Variants in TPTE2 observed in about 807,000 individuals in gnomAD.
The protein encoded by TPTE2 is phosphatidylinositol 3,4,5-trisphosphate 3-phosphatase TPTE2.
Under a neutral mutation model 78.6 loss-of-function variants are expected in TPTE2, and 53 were observed. The observed-to-expected ratio is 0.67, with a 90% CI of 0.54 to 0.85. TPTE2 has a LOEUF of 0.85. Ranked by LOEUF, TPTE2 falls within the 40% of genes least tolerant of loss-of-function variation. The probability of loss-of-function intolerance (pLI) is 0.00; values close to 1 mark genes in which losing one functional copy is unlikely to be tolerated. For synonymous variants in TPTE2, 175 were observed against 206.2 expected (o/e 0.85, Z 1.30); for missense variants, 461 against 623.0 (o/e 0.74, Z 2.77).
intron 1 of TPTE2, among the ~76,000 whole-genome samples, chr13:19,528,052 G>A (rs1020259187): frequency 6.6e-6 from 1 of 152,198 alleles, no homozygotes; most frequent in African/African-American, 2.4e-5. Flanking sequence ...ACTGCAGTAA[G>A]TCACAGGCCA....
intron 1 of TPTE2, among the ~76,000 whole-genome samples, chr13:19,498,394 G>A (rs898453076): frequency 2.0e-5 from 3 of 152,006 alleles, no homozygotes; most frequent in Non-Finnish European, 2.9e-5. Context: ...AGGGCAGCCA[G>A]AAAGAAAGGT....
chr13:19,426,086 A>G (rs965446196), intron 18 of TPTE2, among the ~76,000 whole-genome samples: 6 of 150,496 alleles, frequency 4.0e-5, no homozygotes, highest in African/African-American at 1.5e-4. Context: ...AAAAAGATGC[A>G]AAACAAAATG....
At position 19,491,860 on chromosome 13, in the gene TPTE2, G is replaced by T. The variant is rs1447038830; in HGVS notation, c.119+990C>A. 3.3e-5 allele frequency among the ~76,000 whole-genome samples: 5 copies of T among 152,118 alleles called. No homozygotes were observed. In the East Asian group the frequency reaches 9.7e-4, roughly 29 times the overall value. ...TAATAATAGAAATACATTTTAATTT[G>T]CCCATGCGTCCAACGTCCTATAAAA... On this transcript the variant is annotated intron_variant, in intron 3 of 19. Transcript: ENST00000400230.
chr13:19,494,169 C>T (rs1386778147), intron 1 of TPTE2, among the ~76,000 whole-genome samples: 1 of 152,186 alleles, frequency 6.6e-6, no homozygotes, highest in Admixed American at 6.5e-5. Flanking sequence ...AAGCATTTGC[C>T]TGCTACTTAC....
upstream of TPTE2, among the ~76,000 whole-genome samples, chr13:19,539,487 C>T (rs1871377522): frequency 6.6e-6 from 1 of 152,156 alleles, no homozygotes; most frequent in Non-Finnish European, 1.5e-5. Context: ...ATTGTGAGGC[C>T]TCCCCAGCCA....
At position 19,497,994 on chromosome 13, in the gene TPTE2, G is replaced by A. The variant is rs1219441585; in HGVS notation, c.12-4493C>T. On this transcript the variant is annotated intron_variant, in intron 1 of 19. Transcript: ENST00000400230. ...CTGAAAACCAAGGCTCGAGAACTAC[G>A]TGAAGAATGCAGAAGCCTCAGGAGC... Among the ~76,000 whole-genome samples the A allele has an allele frequency of 1.5e-4, 22 of 151,038 alleles. No homozygotes were observed. In the East Asian group the frequency reaches 4.1e-3, roughly 28 times the overall value.
exon 20 of TPTE2, chr13:19,423,030 T>G (rs1310413583): frequency 6.2e-7 from 1 of 1,609,462 alleles, no homozygotes. Context: ...GGAGCTATAC[T>G]TAGTCGGATC....
At chr13:19,514,638 T>A (rs1463286380) in intron 1 of TPTE2, among the ~76,000 whole-genome samples, 6 of 149,258 alleles carry the variant, frequency 4.0e-5, no homozygotes, top group African/African-American at 7.4e-5. Context: ...TGTCTGTGTG[T>A]GAGAGAGAGA....
rs1360306079 is a variant in TPTE2 at position 19,498,604 on chromosome 13, A to AT, written c.11+4619dup. ...TTTACAGACAAGCAAATGCTGAGAG[A>AT]TTTTGTCACCACCAGGCTTACCCTA... On this transcript the variant is annotated intron_variant, in intron 1 of 19. Transcript: ENST00000400230. Among the ~76,000 whole-genome samples, 13 of 152,128 alleles carry AT rather than the reference A, an allele frequency of 8.5e-5. No homozygotes were observed. In the East Asian group the frequency reaches 2.3e-3, roughly 27 times the overall value.
chr13:19,430,646 C>T (rs1185128630), intron 16 of TPTE2, 99 bp from the exon 20 acceptor site: 24 of 791,468 alleles, frequency 3.0e-5, no homozygotes, highest in Non-Finnish European at 4.5e-5. Flanking sequence ...AAAAAATTAT[C>T]CAAGCTAACA....
At chr13:19,550,765 C>T in the TPTE2 span, among the ~76,000 whole-genome samples, 1 of 152,058 alleles carries the variant, frequency 6.6e-6, no homozygotes, top group African/African-American at 2.4e-5. Context: ...TACCTCAATA[C>T]TGTTCTTTTT....
At chr13:19,495,617 C>T (rs1050408822) in intron 1 of TPTE2, among the ~76,000 whole-genome samples, 2 of 152,198 alleles carry the variant, frequency 1.3e-5, no homozygotes, top group African/African-American at 4.8e-5. Flanking sequence ...AATAGCCCAA[C>T]TCTCTCTTGT....
intron 1 of TPTE2, among the ~76,000 whole-genome samples, chr13:19,502,914 C>A (rs1036158788): frequency 1.3e-5 from 2 of 151,724 alleles, no homozygotes; most frequent in African/African-American, 4.8e-5. Flanking sequence ...AAGCAGCAGC[C>A]CTCCTGTGAC....
intron 1 of TPTE2, among the ~76,000 whole-genome samples, chr13:19,532,911 T>TA (rs1870972849): frequency 6.6e-6 from 1 of 152,168 alleles, no homozygotes; most frequent in East Asian, 1.9e-4. Context: ...CAGAGTGACT[T>TA]AAAGCAGGAG....
At chr13:19,468,025 C>CTT (rs71092364) in intron 6 of TPTE2, among the ~76,000 whole-genome samples, 7 of 45,536 alleles carry the variant, frequency 1.5e-4, no homozygotes, top group African/African-American at 2.8e-4. Context: ...GACAGGATCT[C>CTT]TTTTTTTTTT....
the TPTE2 span, among the ~76,000 whole-genome samples, chr13:19,554,276 G>A: frequency 6.6e-6 from 1 of 152,078 alleles, no homozygotes; most frequent in African/African-American, 2.4e-5. Context: ...TCTGGAGGCT[G>A]AGGCAGGAGA....
At chr13:19,424,906 G>A in intron 19 of TPTE2, 41 bp downstream of exon 22, 1 of 1,209,900 alleles carries the variant, frequency 8.3e-7, no homozygotes, top group Admixed American at 2.5e-5. Context: ...TATAGACATT[G>A]AAGATTAGGC....
chr13:19,424,095 G>A (rs1875820176), intron 19 of TPTE2, among the ~76,000 whole-genome samples: 1 of 152,194 alleles, frequency 6.6e-6, no homozygotes, highest in South Asian at 2.1e-4. Flanking sequence ...GGAGTTATTC[G>A]ATCCAGTTCA....
chr13:19,437,036 G>A (rs1277481972), intron 14 of TPTE2, among the ~76,000 whole-genome samples: 2 of 15,900 alleles, frequency 1.3e-4, no homozygotes, highest in Non-Finnish European at 3.3e-4. Flanking sequence ...ATAAACCTAG[G>A]AGACACACAC....
Sources: allele counts gnomAD v4.1 joint callset (sites outside exome capture counted in the v4.1 genomes callset), GRCh38; gene constraint gnomAD v4.1.1; transcripts MANE v1.5; gene names NCBI Gene and HGNC (gene_info 2026-07-23, HGNC 2026-07-21).